ESRRB: variants seen among roughly 807,000 people sequenced by gnomAD.
ESRRB encodes estrogen related receptor beta, also known as steroid hormone receptor ERR2.
A neutral mutation model predicts 46.0 loss-of-function variants in ESRRB; 16 were observed. The observed-to-expected ratio is 0.35, with a 90% CI of 0.24 to 0.53. The LOEUF (loss-of-function observed/expected upper bound fraction) is 0.53, where lower values mean the gene tolerates loss of function less well. ESRRB is among the 20% of genes least tolerant of loss of function. ESRRB has a pLI of 0.93. For synonymous variants in ESRRB, 246 were observed against 259.6 expected, an observed-to-expected ratio of 0.95 and a Z score of 0.50; for missense variants, 488 against 607.4, an observed-to-expected ratio of 0.80 and a Z score of 2.07.
At chr14:76,495,232 G>C (rs943205593) in intron 6 of ESRRB, 1 of 152,010 alleles carries the variant, frequency 6.6e-6, no homozygotes, top group African/African-American at 2.4e-5. Flanking sequence ...GGCATCAACA[G>C]AACTTCTGTT....
At chr14:76,474,996 A>G (rs1012162512) in intron 3 of ESRRB, among the ~76,000 whole-genome samples, 4 of 151,702 alleles carry the variant, frequency 2.6e-5, no homozygotes, top group Admixed American at 2.6e-4. Flanking sequence ...TGGGAGGCTG[A>G]GGCAGAAGGA....
At chr14:76,353,775 G>A (rs1056886788) in intron 1 of ESRRB, among the ~76,000 whole-genome samples, 1 of 152,010 alleles carries the variant, frequency 6.6e-6, no homozygotes, top group African/African-American at 2.4e-5. Flanking sequence ...AACATAGTGA[G>A]ACGCTATGTC....
At chr14:76,329,736 C>T (rs1883979704) in intron 1 of ESRRB, among the ~76,000 whole-genome samples, 1 of 152,098 alleles carries the variant, frequency 6.6e-6, no homozygotes, top group African/African-American at 2.4e-5. Flanking sequence ...CCGCTCAGTC[C>T]GTCCTGCCGT....
intron 2 of ESRRB, among the ~76,000 whole-genome samples, chr14:76,449,066 T>C (rs1185492869): frequency 6.6e-6 from 1 of 152,198 alleles, no homozygotes; most frequent in Admixed American, 6.5e-5. Flanking sequence ...TTTATGAGAA[T>C]GTATGCGCTG....
At chr14:76,458,836 T>G (rs1411345872) in intron 2 of ESRRB, among the ~76,000 whole-genome samples, 1 of 144,056 alleles carries the variant, frequency 6.9e-6, no homozygotes, top group Non-Finnish European at 1.5e-5. Context: ...CTGTTCACCC[T>G]CTCCTTTTTT....
chr14:76,453,586 G>GA (rs1021800254), intron 2 of ESRRB, among the ~76,000 whole-genome samples: 8 of 147,934 alleles, frequency 5.4e-5, no homozygotes, highest in Admixed American at 2.7e-4. Context: ...AATCAAATCT[G>GA]AAAAAAAGCT....
At chr14:76,349,750 A>C (rs1389294240) in intron 1 of ESRRB, among the ~76,000 whole-genome samples, 1 of 152,180 alleles carries the variant, frequency 6.6e-6, no homozygotes, top group Non-Finnish European at 1.5e-5. Context: ...GGTCCCCAGC[A>C]CCTGGAACAG....
At chr14:76,359,607 T>G (rs150676273) in intron 1 of ESRRB, among the ~76,000 whole-genome samples, 1 of 152,298 alleles carries the variant, frequency 6.6e-6, no homozygotes, top group Non-Finnish European at 1.5e-5. Flanking sequence ...CCAGAGCCAG[T>G]GCTCTTGCCC....
At chr14:76,419,188 C>G (rs1224625585) in intron 1 of ESRRB, among the ~76,000 whole-genome samples, 1 of 150,720 alleles carries the variant, frequency 6.6e-6, no homozygotes, top group Non-Finnish European at 1.5e-5. Context: ...CTAATTTTTA[C>G]ATTTTTAGTA....
intron 1 of ESRRB, among the ~76,000 whole-genome samples, chr14:76,408,591 CAAAAA>C (rs35955826): frequency 4.2e-3 from 175 of 42,146 alleles, no homozygotes; most frequent in Middle Eastern, 0.014. Context: ...GACCCTGTCT[CAAAAA>C]AAAAAAAAAA....
rs551483169 is a variant in ESRRB at position 76,331,412 on chromosome 14, C to T, written c.2+20496C>T. Among the ~76,000 whole-genome samples, 13 of 152,306 alleles carry T rather than the reference C, an allele frequency of 8.5e-5. No homozygotes were observed. In the South Asian group the frequency reaches 2.1e-3, roughly 24 times the overall value. ...AGTAGCTGCCTCACATGAACTAACA[C>T]GGGTGGCATGCACAGCACAGCGCTG... On this transcript the variant is annotated intron_variant, in intron 1 of 6. Coordinates refer to the ESRRB transcript ENST00000512784.
rs768937571 is a variant in ESRRB at position 76,498,472 on chromosome 14, G to A, written c.*14G>A. 1.9e-5 allele frequency: 30 copies of A among 1,612,932 alleles called. No homozygotes were observed. The highest frequency in any genetic ancestry group is 2.3e-5 in the Non-Finnish European group (27 of 1,180,000). ...GCCAAGGTGTGATGGCCCCGCACAC[G>A]GACCAATGCCCACCTACAGACAGAC... On this transcript the variant is annotated 3_prime_UTR_variant, in exon 7 of 7. Transcript: ENST00000644823.
At chr14:76,390,799 T>A (rs1447671392) in intron 1 of ESRRB, among the ~76,000 whole-genome samples, 2 of 152,196 alleles carry the variant, frequency 1.3e-5, no homozygotes, top group African/African-American at 4.8e-5. Flanking sequence ...TGGAGAGGTA[T>A]GCTGAAGCCT....
chr14:76,311,020 C>CTCTCTCTCTCTCTCTCT (rs1883726342), intron 1 of ESRRB: 1 of 397,818 alleles, frequency 2.5e-6, no homozygotes, highest in Non-Finnish European at 5.0e-6. Flanking sequence ...CTCTCTCTCT[C>CTCTCTCTCTCTCTCTCT]AATGGATAAA....
intron 1 of ESRRB, among the ~76,000 whole-genome samples, chr14:76,426,953 C>T (rs1392919889): frequency 6.6e-6 from 1 of 152,214 alleles, no homozygotes. Flanking sequence ...TGTTTAAGTG[C>T]GAGAAGCCCC....
At position 76,498,646 on chromosome 14, in the gene ESRRB, T is replaced by TCGGGTTTG; in HGVS notation, c.*188_*189insCGGGTTTG. The stretch of plus-strand genomic sequence containing the variant: ...GGTGCAGTGGGGTGGGGGACGGGGA[T>TCGGGTTTG]GGGGGGGCAGGGGTGTGGGGCTCGA... On this transcript the variant is annotated 3_prime_UTR_variant, in exon 7 of 7. Coordinates refer to ENST00000644823, the MANE Select transcript of ESRRB (RefSeq NM_001379180.1). The TCGGGTTTG allele has an allele frequency of 4.8e-6, 1 of 206,920 alleles. No homozygotes were observed. Among genetic ancestry groups the TCGGGTTTG allele is most frequent in the Non-Finnish European group, 9.4e-6 (1 of 106,226 alleles). The allele number at this position is 206,920 out of a possible 1,614,324, so 12.8% of individuals were successfully genotyped here.
At chr14:76,460,134 A>G (rs1327213492) in intron 2 of ESRRB, among the ~76,000 whole-genome samples, 2 of 152,212 alleles carry the variant, frequency 1.3e-5, no homozygotes, top group Non-Finnish European at 2.9e-5. Context: ...AGAAAATCCA[A>G]TAGAAAAGGT....
rs201245747 is a variant in ESRRB, at chr14:76,439,335, C to G, written c.51-6C>G. 3 of 1,613,660 alleles carry G rather than the reference C, an allele frequency of 1.9e-6. No homozygotes were observed. The highest frequency in any genetic ancestry group is 1.6e-4 in the Middle Eastern group (1 of 6,062). ...CTGGGGCTGACTTCCCGATTTGTGT[C>G]CACAGGCTGCTGAACAGGATGTCCT... is the stretch of plus-strand genomic sequence containing the variant. On this transcript the variant is annotated splice_polypyrimidine_tract_variant and splice_region_variant and intron_variant, in intron 1 of 6. Coordinates refer to ENST00000644823, the MANE Select transcript of ESRRB (RefSeq NM_001379180.1).
intron 1 of ESRRB, among the ~76,000 whole-genome samples, chr14:76,352,817 T>C (rs1884329072): frequency 6.6e-6 from 1 of 152,220 alleles, no homozygotes; most frequent in East Asian, 1.9e-4. Context: ...CTCCGGGCTT[T>C]CTGGGAACGC....
Sources: gnomAD v4.1 joint callset for allele counts (sites outside exome capture counted in the v4.1 genomes callset) on GRCh38, gnomAD v4.1.1 for gene constraint, MANE v1.5 for transcripts, NCBI Gene and HGNC (gene_info 2026-07-23, HGNC 2026-07-21) for gene names.